Variants in CDC14B observed in about 807,000 individuals in gnomAD.
CDC14B encodes cell division cycle 14B, also known as dual specificity protein phosphatase CDC14B.
In CDC14B, 22 loss-of-function variants were observed where a neutral mutation model predicts 64.2. The ratio of observed to expected loss-of-function variants is 0.34; its 90% CI spans 0.24 to 0.49. The LOEUF (loss-of-function observed/expected upper bound fraction) is 0.49, where lower values mean the gene tolerates loss of function less well. Ranked by LOEUF, CDC14B falls within the 20% of genes least tolerant of loss-of-function variation. The pLI, the probability that CDC14B is intolerant of heterozygous loss-of-function variation, is 0.99. For synonymous variants in CDC14B, 191 were observed against 215.8 expected (o/e 0.89, Z 1.01); for missense variants, 498 against 629.9 (o/e 0.79, Z 2.24).
At position 96,519,460 on chromosome 9, in the gene CDC14B, C is replaced by T. The variant is rs147194637; in HGVS notation, c.1343+3046G>A. ...ATTTATAAAAGAGAAACCGGCCAGGCGCCGGTGGTTCATGCCTGTAATCCT... is the reference window on the plus strand; with the variant it reads ...ATTTATAAAAGAGAAACCGGCCAGGTGCCGGTGGTTCATGCCTGTAATCCT... On this transcript the variant is annotated intron_variant, in intron 12 of 13. Coordinates refer to ENST00000375241, the MANE Select transcript of CDC14B (RefSeq NM_033331.4). Among the ~76,000 whole-genome samples the T allele has an allele frequency of 3.6e-4, 54 of 152,020 alleles. No individual in the cohort carries two copies. In the East Asian group the frequency reaches 8.4e-3, roughly 24 times the overall value.
downstream of CDC14B, among the ~76,000 whole-genome samples, chr9:96,497,867 G>A (rs1236647360): frequency 6.6e-6 from 1 of 152,130 alleles, no homozygotes; most frequent in Non-Finnish European, 1.5e-5. Flanking sequence ...AAGCTAAGTG[G>A]CAGCACTTAG....
intron 1 of CDC14B, among the ~76,000 whole-genome samples, chr9:96,583,022 G>A (rs754076045): frequency 6.6e-6 from 1 of 152,098 alleles, no homozygotes; most frequent in Non-Finnish European, 1.5e-5. Flanking sequence ...CTCCAGAGAC[G>A]GATGGCCATT....
intron 1 of CDC14B, among the ~76,000 whole-genome samples, chr9:96,597,597 T>G (rs1179138464): frequency 6.6e-6 from 1 of 150,992 alleles, no homozygotes; most frequent in Non-Finnish European, 1.5e-5. Flanking sequence ...AAGCAAAATC[T>G]TCAAAAACAA....
chr9:96,556,631 A>T (rs1842537300), intron 4 of CDC14B, among the ~76,000 whole-genome samples: 1 of 152,146 alleles, frequency 6.6e-6, no homozygotes. Flanking sequence ...ATTTCGACAA[A>T]ATGAAACTGG....
chr9:96,505,650 G>A (rs1554731721), intron 13 of CDC14B, among the ~76,000 whole-genome samples: 1 of 152,178 alleles, frequency 6.6e-6, no homozygotes, highest in Non-Finnish European at 1.5e-5. Flanking sequence ...AGAAAGGTTA[G>A]CATGGATTTA....
intron 4 of CDC14B, among the ~76,000 whole-genome samples, chr9:96,558,556 T>G (rs1224928700): frequency 6.6e-6 from 1 of 152,206 alleles, no homozygotes; most frequent in East Asian, 1.9e-4. Context: ...TTTTAAAAGA[T>G]TTTTTAAATT....
Position 96,577,048 on chromosome 9 carries a change from T to G in CDC14B, c.161-11565A>C, listed in dbSNP as rs140826813. Among the ~76,000 whole-genome samples the G allele has an allele frequency of 6.2e-3, 948 of 151,974 alleles. 16 individuals are homozygous for G. Among genetic ancestry groups the G allele is most frequent in the Admixed American group, 0.053 (806 of 15,246 alleles). On this transcript the variant is annotated intron_variant, in intron 1 of 13. Coordinates refer to ENST00000375241, the MANE Select transcript of CDC14B (RefSeq NM_033331.4). ...TGGGTGGATCACTAGAGGTCAGGAGTTCGAGACCAGCCTGGCCAACATGGT... is the reference window on the plus strand; with the variant it reads ...TGGGTGGATCACTAGAGGTCAGGAGGTCGAGACCAGCCTGGCCAACATGGT...
intron 1 of CDC14B, among the ~76,000 whole-genome samples, chr9:96,613,986 G>A (rs1847475032): frequency 6.6e-6 from 1 of 152,148 alleles, no homozygotes; most frequent in Admixed American, 6.5e-5. Flanking sequence ...AGACAATGCT[G>A]TATTTGTTTA....
At chr9:96,618,156 C>T (rs1847755212) in intron 1 of CDC14B, among the ~76,000 whole-genome samples, 1 of 152,196 alleles carries the variant, frequency 6.6e-6, no homozygotes, top group Non-Finnish European at 1.5e-5. Flanking sequence ...TATTATTTCT[C>T]CTAAACGTCT....
At chr9:96,543,132 C>A (rs960679688) in intron 5 of CDC14B, among the ~76,000 whole-genome samples, 2 of 152,128 alleles carry the variant, frequency 1.3e-5, no homozygotes, top group African/African-American at 4.8e-5. Context: ...GTGAGGAGAT[C>A]GAGATCTTCC....
In CDC14B at chr9:96,501,808, G is replaced by T. The variant is rs149093259; in HGVS notation, c.*1945C>A. On this transcript the variant is annotated 3_prime_UTR_variant, in exon 14 of 14. Coordinates refer to ENST00000375241, the MANE Select transcript of CDC14B (RefSeq NM_033331.4). ...CGAAACACCAGGAGGCTCATTCACCGTGAGGGAGACAGTACTCACAAGAGC... is the reference window on the plus strand; with the variant it reads ...CGAAACACCAGGAGGCTCATTCACCTTGAGGGAGACAGTACTCACAAGAGC... 6.6e-6 allele frequency: 1 copy of T among 152,122 alleles called. No homozygotes were observed. The highest frequency in any genetic ancestry group is 1.5e-5 in the Non-Finnish European group (1 of 68,046). 9.4% of individuals were successfully genotyped at this position (152,122 alleles called of 1,614,324 possible). A position where few individuals can be genotyped will look rare whatever the true frequency, so the allele number is the denominator to read the frequency against.
At chr9:96,532,071 G>A (rs1838577406) in intron 9 of CDC14B, among the ~76,000 whole-genome samples, 1 of 151,592 alleles carries the variant, frequency 6.6e-6, no homozygotes, top group Non-Finnish European at 1.5e-5. Context: ...GGTCTATTCA[G>A]ATTTTCTATT....
intron 1 of CDC14B, among the ~76,000 whole-genome samples, chr9:96,604,431 A>C (rs1376025351): frequency 2.0e-5 from 3 of 149,880 alleles, no homozygotes; most frequent in African/African-American, 7.4e-5. Flanking sequence ...CCCAGGCTGG[A>C]GTGCAATGGT....
Position 96,517,159 on chromosome 9 carries a change from G to A in CDC14B, c.1343+5347C>T, listed in dbSNP as rs570950260. On this transcript the variant is annotated intron_variant, in intron 12 of 13. Transcript: ENST00000375241. The stretch of plus-strand genomic sequence containing the variant: ...GTTCGAGACCAGCCTGGCCAACATG[G>A]TGAAACCCCGTCTCTACTAAAAAAA... Among the ~76,000 whole-genome samples, 11 of 150,538 alleles carry A rather than the reference G, an allele frequency of 7.3e-5. No homozygotes were observed. In the East Asian group the frequency reaches 2.3e-3, roughly 31 times the overall value.
chr9:96,518,098 T>C (rs1412532324), intron 12 of CDC14B, among the ~76,000 whole-genome samples: 1 of 152,156 alleles, frequency 6.6e-6, no homozygotes, highest in African/African-American at 2.4e-5. Context: ...GATACATCTG[T>C]GACCAAATAT....
Position 96,606,397 on chromosome 9 carries a change from G to C in CDC14B, c.160+12822C>G, listed in dbSNP as rs569289541. On this transcript the variant is annotated intron_variant, in intron 1 of 13. Transcript: ENST00000375241. ...TCTCTGAAATCATTTTAAACTAAGA[G>C]TTCCAGCCAGGTGCAGTGCTCATGC... Among the ~76,000 whole-genome samples the C allele has an allele frequency of 2.4e-3, 350 of 146,618 alleles. 2 individuals are homozygous for C. Among genetic ancestry groups the C allele is most frequent in the African/African-American group, 8.6e-3 (337 of 39,324 alleles).
chr9:96,610,098 TACACACACAC>T (rs570379220), intron 1 of CDC14B, among the ~76,000 whole-genome samples: 2 of 149,466 alleles, frequency 1.3e-5, no homozygotes, highest in Non-Finnish European at 3.0e-5. Context: ...GATATATAGA[TACACACACAC>T]ACACACACAC....
At chr9:96,596,783 C>T (rs1448394113) in intron 1 of CDC14B, among the ~76,000 whole-genome samples, 1 of 151,478 alleles carries the variant, frequency 6.6e-6, no homozygotes, top group Non-Finnish European at 1.5e-5. Flanking sequence ...CACTTGAATC[C>T]AGGAGGTCAA....
chr9:96,595,504 T>G (rs912797046), intron 1 of CDC14B, among the ~76,000 whole-genome samples: 4 of 152,166 alleles, frequency 2.6e-5, no homozygotes, highest in Admixed American at 6.5e-5. Flanking sequence ...CACACCCACA[T>G]AAAAACTTGT....
Sources: gnomAD v4.1 joint callset for allele counts (sites outside exome capture counted in the v4.1 genomes callset) on GRCh38, gnomAD v4.1.1 for gene constraint, MANE v1.5 for transcripts, NCBI Gene and HGNC (gene_info 2026-07-23, HGNC 2026-07-21) for gene names.